PTPRM: variants seen among roughly 807,000 people sequenced by gnomAD.
PTPRM encodes receptor-type tyrosine-protein phosphatase mu.
PTPRM carries 47 observed loss-of-function variants against 186.7 expected under a neutral mutation model. The observed-to-expected ratio is 0.25, with a 90% CI of 0.20 to 0.32. PTPRM has a LOEUF of 0.32. Ranked by LOEUF, PTPRM falls within the 10% of genes least tolerant of loss-of-function variation. The pLI is 1.00. For synonymous variants in PTPRM, 668 were observed against 674.9 expected, an observed-to-expected ratio of 0.99 and a Z score of 0.16; for missense variants, 1,494 against 1,865.0, an observed-to-expected ratio of 0.80 and a Z score of 3.66.
At chr18:7,597,224 G>T (rs2037289104) in intron 1 of PTPRM, among the ~76,000 whole-genome samples, 1 of 152,138 alleles carries the variant, frequency 6.6e-6, no homozygotes, top group Non-Finnish European at 1.5e-5. Flanking sequence ...GGTAAAGGGG[G>T]AATGATTGAC....
chr18:7,574,370 G>A (rs1160134167), intron 1 of PTPRM, among the ~76,000 whole-genome samples: 1 of 152,202 alleles, frequency 6.6e-6, no homozygotes, highest in African/African-American at 2.4e-5. Flanking sequence ...TCCCTGGGTT[G>A]ATATTTTGTA....
chr18:8,316,352 G>A (rs887906218), intron 21 of PTPRM, among the ~76,000 whole-genome samples: 1 of 152,218 alleles, frequency 6.6e-6, no homozygotes, highest in Non-Finnish European at 1.5e-5. Context: ...ATTGTGATCA[G>A]ATTAGGCATC....
At chr18:8,383,821 A>G (rs954419366) in intron 29 of PTPRM, among the ~76,000 whole-genome samples, 1 of 152,224 alleles carries the variant, frequency 6.6e-6, no homozygotes, top group Non-Finnish European at 1.5e-5. Context: ...ATCCACATGC[A>G]ATCCCAGCCA....
At chr18:7,823,329 A>G (rs1437302701) in intron 2 of PTPRM, among the ~76,000 whole-genome samples, 1 of 152,194 alleles carries the variant, frequency 6.6e-6, no homozygotes, top group East Asian at 1.9e-4. Flanking sequence ...GGGACATGGG[A>G]AAGGGGAATG....
At chr18:7,827,069 C>T (rs1424836376) in intron 2 of PTPRM, among the ~76,000 whole-genome samples, 2 of 152,102 alleles carry the variant, frequency 1.3e-5, no homozygotes, top group African/African-American at 4.8e-5. Flanking sequence ...GCCATTGTAC[C>T]CCAGCCTGGG....
chr18:7,696,304 C>T (rs1188706376), intron 1 of PTPRM, among the ~76,000 whole-genome samples: 1 of 152,108 alleles, frequency 6.6e-6, no homozygotes, highest in African/African-American at 2.4e-5. Flanking sequence ...AAAACAATCT[C>T]GTGTTTCTGT....
chr18:7,652,391 T>C (rs2038733083), intron 1 of PTPRM, among the ~76,000 whole-genome samples: 1 of 152,030 alleles, frequency 6.6e-6, no homozygotes. Context: ...GACCCAGCCA[T>C]CCCATTACTG....
chr18:7,807,486 C>T (rs1327058726), intron 2 of PTPRM, among the ~76,000 whole-genome samples: 1 of 152,194 alleles, frequency 6.6e-6, no homozygotes, highest in Non-Finnish European at 1.5e-5. Flanking sequence ...ATCCAACCCC[C>T]ACCACCTCCC....
chr18:8,215,837 C>T (rs1487108582), intron 14 of PTPRM, among the ~76,000 whole-genome samples: 1 of 152,136 alleles, frequency 6.6e-6, no homozygotes, highest in African/African-American at 2.4e-5. Flanking sequence ...ATCACCACAC[C>T]AGGCAGCTAT....
At chr18:7,911,247 G>T (rs2050246856) in intron 4 of PTPRM, among the ~76,000 whole-genome samples, 2 of 152,284 alleles carry the variant, frequency 1.3e-5, no homozygotes, top group South Asian at 4.1e-4. Context: ...TTTGTTATCA[G>T]TTCTCTTGGG....
Position 8,233,845 on chromosome 18 carries a change from A to T in PTPRM, c.2301-10213A>T, listed in dbSNP as rs114204397. Among the ~76,000 whole-genome samples the T allele has an allele frequency of 5.5e-3, 840 of 152,238 alleles. 7 individuals are homozygous for T. The highest frequency in any genetic ancestry group is 0.019 in the African/African-American group (808 of 41,546). On this transcript the variant is annotated intron_variant, in intron 14 of 32. Coordinates refer to ENST00000580170, the MANE Select transcript of PTPRM (RefSeq NM_001105244.2). ...TGTGAAGGGTGTAAGGCCTGTGTCT[A>T]GATTCATTTTTCTGCATGTGGATGT...
intron 11 of PTPRM, among the ~76,000 whole-genome samples, chr18:8,095,656 A>G (rs2090980464): frequency 6.6e-6 from 1 of 152,002 alleles, no homozygotes; most frequent in African/African-American, 2.4e-5. Context: ...AGGCTGGAGG[A>G]TGTGCTGGGC....
At chr18:8,292,670 T>C (rs979678045) in intron 19 of PTPRM, among the ~76,000 whole-genome samples, 1 of 152,242 alleles carries the variant, frequency 6.6e-6, no homozygotes, top group African/African-American at 2.4e-5. Flanking sequence ...GGATAAGAAG[T>C]TGGGAGGCTC....
chr18:8,379,085 T>G, intron 27 of PTPRM, 82 bp from the exon 28 acceptor site: 4 of 1,208,088 alleles, frequency 3.3e-6, no homozygotes, highest in East Asian at 2.7e-5. Context: ...CCACAGGAAG[T>G]TTGCATCTTT....
At chr18:7,769,300 A>G (rs2042164269) in intron 1 of PTPRM, among the ~76,000 whole-genome samples, 1 of 152,106 alleles carries the variant, frequency 6.6e-6, no homozygotes, top group African/African-American at 2.4e-5. Context: ...ACGACTCTCC[A>G]GCTTTGAGAC....
chr18:8,205,774 T>G (rs2093919644), intron 14 of PTPRM, among the ~76,000 whole-genome samples: 1 of 152,178 alleles, frequency 6.6e-6, no homozygotes, highest in African/African-American at 2.4e-5. Flanking sequence ...TCTTATCTAG[T>G]TGCATAATGA....
At chr18:8,382,968 C>T (rs892641058) in intron 29 of PTPRM, among the ~76,000 whole-genome samples, 1 of 152,134 alleles carries the variant, frequency 6.6e-6, no homozygotes, top group Non-Finnish European at 1.5e-5. Flanking sequence ...CCTTGCCTTT[C>T]CATAGGCCAC....
intron 19 of PTPRM, among the ~76,000 whole-genome samples, chr18:8,282,886 G>T (rs962818342): frequency 2.0e-5 from 3 of 152,150 alleles, no homozygotes; most frequent in African/African-American, 7.2e-5. Context: ...ATATACCATG[G>T]AATATTACTG....
At position 8,014,636 on chromosome 18, in the gene PTPRM, C is replaced by A. The variant is rs140514597; in HGVS notation, c.1133-55050C>A. 2.0e-5 allele frequency among the ~76,000 whole-genome samples: 3 copies of A among 152,202 alleles called. No individual in the cohort carries two copies. In the East Asian group the frequency reaches 5.8e-4, roughly 29 times the overall value. On this transcript the variant is annotated intron_variant, in intron 7 of 32. Coordinates refer to ENST00000580170, the MANE Select transcript of PTPRM (RefSeq NM_001105244.2). Reference sequence around the variant, plus strand: ...ATAGTGTACAAAATAGATCTAAATACAAAGGAAATTGTGTTCTGTCTGAAA... The same window carrying A: ...ATAGTGTACAAAATAGATCTAAATAAAAAGGAAATTGTGTTCTGTCTGAAA...
Sources: allele counts gnomAD v4.1 joint callset (sites outside exome capture counted in the v4.1 genomes callset), GRCh38; gene constraint gnomAD v4.1.1; transcripts MANE v1.5; gene names NCBI Gene and HGNC (gene_info 2026-07-23, HGNC 2026-07-21).